The following RNU4-2 variants were observed in gnomAD, a reference collection of about 807,000 sequenced individuals.
RNU4-2 encodes RNA, U4 small nuclear 2.
exon 1 of RNU4-2, chr12:120,291,820 G>T (rs1034870639): frequency 6.6e-6 from 1 of 152,118 alleles, no homozygotes; most frequent in Non-Finnish European, 1.5e-5. Context: ...TCGTCATGGC[G>T]GGGTATTGGG....
chr12:120,291,813 T>G (rs893544408), exon 1 of RNU4-2: 1 of 152,182 alleles, frequency 6.6e-6, no homozygotes, highest in African/African-American at 2.4e-5. Context: ...TTTCAAGTCG[T>G]CATGGCGGGG....
At chr12:120,291,819 C>CG (rs1190337517) in exon 1 of RNU4-2, 1 of 152,116 alleles carries the variant, frequency 6.6e-6, no homozygotes, top group African/African-American at 2.4e-5. Flanking sequence ...GTCGTCATGG[C>CG]GGGGTATTGG....
chr12:120,291,792 T>G (rs569996779), exon 1 of RNU4-2: 2 of 152,336 alleles, frequency 1.3e-5, no homozygotes, highest in African/African-American at 2.4e-5. Context: ...AAATTGCCAA[T>G]GCCGACTATA....
exon 1 of RNU4-2, chr12:120,291,899 A>C (rs530877232): frequency 1.3e-5 from 2 of 152,090 alleles, no homozygotes; most frequent in Admixed American, 6.6e-5. Context: ...CCACTGCGCA[A>C]AGCTGGAAAG....
exon 1 of RNU4-2, chr12:120,291,778 T>C (rs1028096461): frequency 1.3e-5 from 2 of 152,162 alleles, no homozygotes; most frequent in Non-Finnish European, 2.9e-5. Flanking sequence ...GTAGAGACTG[T>C]CAAAAATTGC....
exon 1 of RNU4-2, chr12:120,291,808 A>T (rs944925512): frequency 6.6e-6 from 1 of 152,200 alleles, no homozygotes; most frequent in African/African-American, 2.4e-5. Flanking sequence ...CTATATTTCA[A>T]GTCGTCATGG....
rs1299882223 is a variant in RNU4-2, at chr12:120,291,764, C to T, written n.140G>A. ...TTCTTTAGACTTTTAAAAATTCAGTCTCCGTAGAGACTGTCAAAAATTGCC... is the reference window on the plus strand; with the variant it reads ...TTCTTTAGACTTTTAAAAATTCAGTTTCCGTAGAGACTGTCAAAAATTGCC... On this transcript the variant is annotated non_coding_transcript_exon_variant, in exon 1 of 1. Coordinates refer to ENST00000365668, the Ensembl canonical transcript of RNU4-2. 5 of 152,174 alleles carry T rather than the reference C, an allele frequency of 3.3e-5. No homozygotes were observed. Among genetic ancestry groups the T allele is most frequent in the African/African-American group, 4.8e-5 (2 of 41,430 alleles). The allele number at this position is 152,174 out of a possible 1,614,324, so 9.4% of individuals were successfully genotyped here.
At chr12:120,291,765 T>C (rs572999534) in exon 1 of RNU4-2, 5 of 152,292 alleles carry the variant, frequency 3.3e-5, no homozygotes, top group South Asian at 2.1e-4. Context: ...AAATTCAGTC[T>C]CCGTAGAGAC....
At chr12:120,291,789 C>CT (rs1566455415) in exon 1 of RNU4-2, 3 of 152,158 alleles carry the variant, frequency 2.0e-5, no homozygotes, top group East Asian at 1.9e-4. Context: ...CAAAAATTGC[C>CT]AATGCCGACT....
chr12:120,291,791 A>C lies in RNU4-2; in HGVS notation n.113T>G, dbSNP rs1428958131. The C allele has an allele frequency of 9.2e-5, 14 of 152,292 alleles. No homozygotes were observed. The East Asian group carries it at 1.7e-3, about 19-fold the overall frequency. 9.4% of individuals were successfully genotyped at this position (152,292 alleles called of 1,614,324 possible). On this transcript the variant is annotated non_coding_transcript_exon_variant, in exon 1 of 1. Transcript: ENST00000365668. ...CCGTAGAGACTGTCAAAAATTGCCA[A>C]TGCCGACTATATTTCAAGTCGTCAT...
At chr12:120,291,759 T>G (rs940767754), downstream of RNU4-2, 4 of 152,150 alleles carry the variant, frequency 2.6e-5, no homozygotes, top group African/African-American at 4.8e-5. Context: ...TTTTAAAAAT[T>G]CAGTCTCCGT....
At chr12:120,291,777 G>C (rs759873862) in exon 1 of RNU4-2, 2 of 152,292 alleles carry the variant, frequency 1.3e-5, no homozygotes, top group Admixed American at 6.5e-5. Context: ...CGTAGAGACT[G>C]TCAAAAATTG....
At chr12:120,291,773 G>C (rs140369273) in exon 1 of RNU4-2, 5 of 152,128 alleles carry the variant, frequency 3.3e-5, no homozygotes, top group Non-Finnish European at 4.4e-5. Flanking sequence ...TCTCCGTAGA[G>C]ACTGTCAAAA....
chr12:120,291,893 T>C (rs1214132668), exon 1 of RNU4-2: 7 of 152,178 alleles, frequency 4.6e-5, no homozygotes, highest in Non-Finnish European at 7.3e-5. Flanking sequence ...ATACTGCCAC[T>C]GCGCAAAGCT....
chr12:120,291,797 A>G lies in RNU4-2; in HGVS notation n.107T>C, dbSNP rs528693347. ...AGACTGTCAAAAATTGCCAATGCCG[A>G]CTATATTTCAAGTCGTCATGGCGGG... On this transcript the variant is annotated non_coding_transcript_exon_variant, in exon 1 of 1. Transcript: ENST00000365668. 54 of 152,318 alleles carry G rather than the reference A, an allele frequency of 3.5e-4. No individual in the cohort carries two copies. Among genetic ancestry groups the G allele is most frequent in the African/African-American group, 1.1e-3 (45 of 41,568 alleles). The allele number at this position is 152,318 out of a possible 1,614,324, so 9.4% of individuals were successfully genotyped here.
chr12:120,291,800 A>G (rs761371780), exon 1 of RNU4-2: 9 of 152,216 alleles, frequency 5.9e-5, no homozygotes, highest in East Asian at 3.9e-4. Context: ...AATGCCGACT[A>G]TATTTCAAGT....
exon 1 of RNU4-2, chr12:120,291,785 T>A (rs957907005): frequency 1.3e-5 from 2 of 152,194 alleles, no homozygotes; most frequent in Admixed American, 6.5e-5. Flanking sequence ...CTGTCAAAAA[T>A]TGCCAATGCC....
exon 1 of RNU4-2, chr12:120,291,849 A>G (rs1166668309): frequency 1.3e-5 from 2 of 152,214 alleles, no homozygotes; most frequent in Admixed American, 6.6e-5. Context: ...TCAATTAGCA[A>G]TAATCGCGCC....
exon 1 of RNU4-2, chr12:120,291,865 T>C (rs1011054751): frequency 4.6e-5 from 7 of 152,286 alleles, no homozygotes; most frequent in African/African-American, 1.4e-4. Context: ...GCGCCTCGGA[T>C]AAACCTCATT....
Sources: allele counts gnomAD v4.1 joint callset, GRCh38; gene constraint gnomAD v4.1.1; transcripts MANE v1.5; gene names NCBI Gene and HGNC (gene_info 2026-07-23, HGNC 2026-07-21).